Variants in SBF2 observed in about 807,000 individuals in gnomAD.
The protein encoded by SBF2 is SET binding factor 2.
SBF2 carries 112 observed loss-of-function variants against 225.2 expected under a neutral mutation model. The observed-to-expected ratio is 0.50, with a 90% CI of 0.43 to 0.58. The LOEUF (loss-of-function observed/expected upper bound fraction) is 0.58. Among genes scored for constraint, SBF2 ranks in the 20% least tolerant of loss-of-function variants. The pLI, the probability that SBF2 is intolerant of heterozygous loss-of-function variation, is 0.00. For missense variants in SBF2, 1,996 were observed against 2,206.2 expected (o/e 0.90, Z 1.91); for synonymous variants, 763 against 773.3 (o/e 0.99, Z 0.22).
chr11:9,882,310 T>A (rs979888700), intron 17 of SBF2, among the ~76,000 whole-genome samples: 1 of 152,210 alleles, frequency 6.6e-6, no homozygotes, highest in Non-Finnish European at 1.5e-5. Context: ...CCTACAAAAT[T>A]CACAAGATTA....
chr11:10,194,492 A>G (rs1244765750), intron 1 of SBF2, among the ~76,000 whole-genome samples: 1 of 152,164 alleles, frequency 6.6e-6, no homozygotes, highest in Non-Finnish European at 1.5e-5. Context: ...CTATACAGAA[A>G]TAACAGGCAA....
chr11:9,826,551 AGAG>A (rs1196555886), intron 28 of SBF2, among the ~76,000 whole-genome samples: 1 of 152,210 alleles, frequency 6.6e-6, no homozygotes, highest in Admixed American at 6.5e-5. Context: ...TTCTAACCTC[AGAG>A]GATAGAGCTA....
intron 38 of SBF2, among the ~76,000 whole-genome samples, chr11:9,782,183 TAAAA>T (rs11345786): frequency 5.0e-5 from 7 of 139,458 alleles, no homozygotes; most frequent in African/African-American, 1.9e-4. Flanking sequence ...TCTCAAAAAA[TAAAA>T]AAAAAAAAAA....
intron 3 of SBF2, among the ~76,000 whole-genome samples, chr11:10,035,785 G>T (rs1949411330): frequency 6.6e-6 from 1 of 152,180 alleles, no homozygotes; most frequent in Non-Finnish European, 1.5e-5. Flanking sequence ...AGAGGATGTG[G>T]AGAAACAGGA....
chr11:9,898,692 A>T (rs571364556), intron 16 of SBF2, among the ~76,000 whole-genome samples: 1 of 152,256 alleles, frequency 6.6e-6, no homozygotes, highest in African/African-American at 2.4e-5. Context: ...TTATAAGATA[A>T]ATCTCAGCAG....
At chr11:9,945,570 G>A (rs1430927163) in intron 16 of SBF2, among the ~76,000 whole-genome samples, 2 of 152,008 alleles carry the variant, frequency 1.3e-5, no homozygotes, top group African/African-American at 4.8e-5. Flanking sequence ...CCAAAAGCAG[G>A]TGCAACAAAA....
chr11:10,042,790 C>T (rs948806669), intron 3 of SBF2, 54 bp downstream of exon 3: 8 of 1,591,700 alleles, frequency 5.0e-6, no homozygotes, highest in Non-Finnish European at 6.0e-6. Flanking sequence ...ATATAAAAAA[C>T]ATTCCTAAAT....
chr11:10,122,419 AT>A (rs1195636709), intron 2 of SBF2, among the ~76,000 whole-genome samples: 4 of 152,330 alleles, frequency 2.6e-5, no homozygotes, highest in South Asian at 2.1e-4. Flanking sequence ...ATATATATTT[AT>A]GTATTTTAGA....
chr11:9,932,569 AC>A (rs1864574400), intron 16 of SBF2, among the ~76,000 whole-genome samples: 1 of 152,202 alleles, frequency 6.6e-6, no homozygotes, highest in Non-Finnish European at 1.5e-5. Flanking sequence ...TCCTTTACAG[AC>A]AAGCAAATGC....
At chr11:10,038,962 C>A (rs1182632236) in intron 3 of SBF2, among the ~76,000 whole-genome samples, 2 of 151,664 alleles carry the variant, frequency 1.3e-5, no homozygotes, top group African/African-American at 4.8e-5. Context: ...TCATATTTTG[C>A]TGATTACTTA....
chr11:10,223,418 TATATATATA>T (rs1958420737), intron 1 of SBF2, among the ~76,000 whole-genome samples: 2 of 89,358 alleles, frequency 2.2e-5, no homozygotes, highest in Non-Finnish European at 5.6e-5. Context: ...TATATATATA[TATATATATA>T]TATATATATA....
At chr11:9,897,066 C>T (rs1229259220) in intron 16 of SBF2, among the ~76,000 whole-genome samples, 4 of 152,156 alleles carry the variant, frequency 2.6e-5, no homozygotes, top group African/African-American at 9.7e-5. Context: ...TTTGTATACT[C>T]ATGTTCACAG....
intron 30 of SBF2, among the ~76,000 whole-genome samples, chr11:9,811,523 G>C (rs1590137701): frequency 6.6e-6 from 1 of 152,130 alleles, no homozygotes; most frequent in African/African-American, 2.4e-5. Context: ...GGTCCGTTTG[G>C]AGCTGGGGCT....
chr11:10,043,402 A>G lies in SBF2; in HGVS notation c.142-421T>C, dbSNP rs1012108468. Reference sequence around the variant, plus strand: ...TGAGAGTCTTCAATTCATTACAAAAAAAGAGATATCTTGTTCAGCAAGACA... The same window carrying G: ...TGAGAGTCTTCAATTCATTACAAAAGAAGAGATATCTTGTTCAGCAAGACA... On this transcript the variant is annotated intron_variant, in intron 2 of 39. Coordinates refer to ENST00000256190, the MANE Select transcript of SBF2 (RefSeq NM_030962.4). Among the ~76,000 whole-genome samples, 7 of 152,220 alleles carry G rather than the reference A, an allele frequency of 4.6e-5. No homozygotes were observed. In the East Asian group the frequency reaches 1.3e-3, roughly 29 times the overall value.
At chr11:10,279,106 T>TAA (rs58093618) in intron 1 of SBF2, among the ~76,000 whole-genome samples, 142 of 56,110 alleles carry the variant, frequency 2.5e-3, no homozygotes, top group Non-Finnish European at 3.5e-3. Flanking sequence ...GGTCTTGTAT[T>TAA]AAAAAAAAAA....
intron 28 of SBF2, among the ~76,000 whole-genome samples, chr11:9,824,842 A>G (rs1185791306): frequency 6.6e-6 from 1 of 152,208 alleles, no homozygotes; most frequent in Admixed American, 6.5e-5. Context: ...GTAAACTTTC[A>G]TATGGTAAAT....
Position 10,294,002 on chromosome 11 carries a change from C to T in SBF2, c.55+13G>A, listed in dbSNP as rs1217233961. ...CGGGGAGGCCCGGGGGCGGTGCCGCCCCACACCCTTACCTGGCTTCTCGTG... is the reference window on the plus strand; with the variant it reads ...CGGGGAGGCCCGGGGGCGGTGCCGCTCCACACCCTTACCTGGCTTCTCGTG... On this transcript the variant is annotated intron_variant, in intron 1 of 39. Coordinates refer to ENST00000256190, the MANE Select transcript of SBF2 (RefSeq NM_030962.4). 1.4e-6 allele frequency: 2 copies of T among 1,388,468 alleles called. No individual in the cohort carries two copies. The highest frequency in any genetic ancestry group is 3.0e-5 in the African/African-American group (2 of 66,652). The allele number at this position is 1,388,468 out of a possible 1,614,324, so 86.0% of individuals were successfully genotyped here.
chr11:10,060,255 C>T (rs188240921), intron 2 of SBF2, among the ~76,000 whole-genome samples: 18 of 152,186 alleles, frequency 1.2e-4, no homozygotes, highest in African/African-American at 2.9e-4. Context: ...AACACCCCTC[C>T]GCACACAAAA....
Position 10,232,009 on chromosome 11 carries a change from G to A in SBF2, c.56-38022C>T, listed in dbSNP as rs556403291. Among the ~76,000 whole-genome samples the A allele has an allele frequency of 7.9e-5, 12 of 152,308 alleles. No homozygotes were observed. The South Asian group carries it at 2.3e-3, about 29-fold the overall frequency. On this transcript the variant is annotated intron_variant, in intron 1 of 39. Transcript: ENST00000256190. ...TACCTACTCAAGCCTTGGCAATGGC[G>A]GACGCCCCTCCCCCAGCCTCACTGC...
Sources: gnomAD v4.1 joint callset for allele counts (sites outside exome capture counted in the v4.1 genomes callset) on GRCh38, gnomAD v4.1.1 for gene constraint, MANE v1.5 for transcripts, NCBI Gene and HGNC (gene_info 2026-07-23, HGNC 2026-07-21) for gene names.